KIAA1328: variants seen among roughly 807,000 people sequenced by gnomAD.
KIAA1328 encodes KIAA1328.
Under a neutral mutation model 68.1 loss-of-function variants are expected in KIAA1328, and 52 were observed. The ratio of observed to expected loss-of-function variants is 0.76; its 90% CI spans 0.61 to 0.96. KIAA1328 has a LOEUF of 0.96. Ranked by LOEUF, KIAA1328 falls within the 40% of genes least tolerant of loss-of-function variation. KIAA1328 has a pLI of 0.00. For synonymous variants in KIAA1328, 232 were observed against 239.4 expected (o/e 0.97, Z 0.28); for missense variants, 641 against 677.6 (o/e 0.95, Z 0.60).
rs553192905 is a variant in KIAA1328 at position 36,888,032 on chromosome 18, G to A, written c.448+2360G>A. 4.7e-4 allele frequency among the ~76,000 whole-genome samples: 72 copies of A among 152,312 alleles called. 1 individual carries two copies. Among genetic ancestry groups the A allele is most frequent in the South Asian group, 1.4e-3 (7 of 4,830 alleles). On this transcript the variant is annotated intron_variant, in intron 5 of 9. Transcript: ENST00000280020. ...GACTGTTATATTTAGCACTCTCTGG[G>A]TCAAGATTAATTCTATTCAGTGCTA...
intron 9 of KIAA1328, among the ~76,000 whole-genome samples, chr18:37,173,317 C>CTTT (rs1324906418): frequency 6.6e-6 from 1 of 152,156 alleles, no homozygotes; most frequent in African/African-American, 2.4e-5. Flanking sequence ...AAACCTAAAG[C>CTTT]TAAACCTATC....
chr18:36,940,567 TTTATC>T (rs1294638270), intron 5 of KIAA1328, among the ~76,000 whole-genome samples: 2 of 152,198 alleles, frequency 1.3e-5, no homozygotes, highest in South Asian at 4.1e-4. Context: ...TTCTTGAAGT[TTTATC>T]CTGACTTCCC....
intron 1 of KIAA1328, among the ~76,000 whole-genome samples, chr18:36,830,582 G>T (rs190825180): frequency 2.0e-5 from 3 of 151,042 alleles, no homozygotes; most frequent in South Asian, 2.1e-4. Context: ...CAATGGTTTG[G>T]GGGGGGGACA....
intron 6 of KIAA1328, among the ~76,000 whole-genome samples, chr18:36,983,126 C>T (rs971976765): frequency 7.9e-5 from 12 of 151,844 alleles, no homozygotes; most frequent in African/African-American, 2.7e-4. Context: ...TATAAATAAT[C>T]ACATTATTTT....
At chr18:37,048,668 A>T (rs2055572275) in intron 6 of KIAA1328, among the ~76,000 whole-genome samples, 1 of 152,160 alleles carries the variant, frequency 6.6e-6, no homozygotes, top group Non-Finnish European at 1.5e-5. Flanking sequence ...ACTGATCTAA[A>T]CTAAAAAGCC....
chr18:37,124,504 A>G (rs2058346173), intron 7 of KIAA1328, among the ~76,000 whole-genome samples: 1 of 152,056 alleles, frequency 6.6e-6, no homozygotes, highest in African/African-American at 2.4e-5. Context: ...TGTAACTCCT[A>G]CAATCCATCC....
chr18:36,996,020 T>C (rs2053377699), intron 6 of KIAA1328, among the ~76,000 whole-genome samples: 1 of 152,178 alleles, frequency 6.6e-6, no homozygotes, highest in African/African-American at 2.4e-5. Flanking sequence ...TATCTTTTAT[T>C]AGTCCTCAAA....
intron 6 of KIAA1328, among the ~76,000 whole-genome samples, chr18:36,967,983 G>T (rs1408546148): frequency 6.6e-6 from 1 of 152,136 alleles, no homozygotes; most frequent in Non-Finnish European, 1.5e-5. Context: ...AATAGATGGG[G>T]AGAAACAACT....
At chr18:37,047,525 A>G (rs550693481) in intron 6 of KIAA1328, among the ~76,000 whole-genome samples, 1 of 152,246 alleles carries the variant, frequency 6.6e-6, no homozygotes, top group Admixed American at 6.5e-5. Flanking sequence ...TTCACCCTAC[A>G]TATTTATTTT....
rs890849601 is a variant in KIAA1328 at position 36,963,385 on chromosome 18, G to C, written c.576+3950G>C. 7.2e-5 allele frequency among the ~76,000 whole-genome samples: 11 copies of C among 152,314 alleles called. No homozygotes were observed. The East Asian group carries it at 2.1e-3, about 29-fold the overall frequency. Reference sequence around the variant, plus strand: ...ACGGAAGGCCAATCCATTTGGCAAGGATGTGGGAAGGGAGATGGAGCAATC... The same window carrying C: ...ACGGAAGGCCAATCCATTTGGCAAGCATGTGGGAAGGGAGATGGAGCAATC... On this transcript the variant is annotated intron_variant, in intron 6 of 9. Coordinates refer to ENST00000280020, the MANE Select transcript of KIAA1328 (RefSeq NM_020776.3).
chr18:36,877,123 T>C (rs1201077421), intron 4 of KIAA1328, among the ~76,000 whole-genome samples: 1 of 152,106 alleles, frequency 6.6e-6, no homozygotes. Flanking sequence ...GAATAAATGC[T>C]ATGTGGTGCT....
intron 7 of KIAA1328, among the ~76,000 whole-genome samples, chr18:37,087,800 G>A (rs989186046): frequency 1.3e-5 from 2 of 152,124 alleles, no homozygotes; most frequent in African/African-American, 4.8e-5. Context: ...AATGTGGGGA[G>A]CCAGGGGGAG....
intron 8 of KIAA1328, among the ~76,000 whole-genome samples, chr18:37,165,522 C>T (rs2059370383): frequency 6.6e-6 from 1 of 151,350 alleles, no homozygotes; most frequent in South Asian, 2.1e-4. Context: ...TAGGTTCAAG[C>T]AGTTCTCCCG....
intron 8 of KIAA1328, among the ~76,000 whole-genome samples, chr18:37,169,237 C>T (rs2059451148): frequency 1.3e-5 from 2 of 151,428 alleles, no homozygotes; most frequent in African/African-American, 4.9e-5. Context: ...ACGATCTCGG[C>T]TCACTGCAAC....
intron 4 of KIAA1328, among the ~76,000 whole-genome samples, chr18:36,846,585 TC>T (rs1393531187): frequency 6.6e-6 from 1 of 151,548 alleles, no homozygotes; most frequent in Non-Finnish European, 1.5e-5. Context: ...TTTATGTTAC[TC>T]CAAATAGTTT....
intron 6 of KIAA1328, among the ~76,000 whole-genome samples, chr18:36,994,911 G>A (rs971356532): frequency 6.6e-6 from 1 of 150,682 alleles, no homozygotes; most frequent in Non-Finnish European, 1.5e-5. Context: ...ATTTGTTCAT[G>A]CTAAATCAGT....
rs775444735 is a variant in KIAA1328 at position 37,222,091 on chromosome 18, C to T, written c.1598C>T (p.Ser533Phe). ...NSAPKPQRYPSREAGAWNHGT... is the reference protein window; with the variant it reads ...NSAPKPQRYPFREAGAWNHGT... ...GCGCCCAAACCTCAGCGCTATCCCTCCAGAGAAGCTGGGGCCTGGAATCAT... is the reference window on the plus strand; with the variant it reads ...GCGCCCAAACCTCAGCGCTATCCCTTCAGAGAAGCTGGGGCCTGGAATCAT... The change falls in exon 10 of 10, where the codon TCC becomes TTC. Residue 533 changes from serine to phenylalanine, a missense_variant. Coordinates refer to ENST00000280020, the MANE Select transcript of KIAA1328 (RefSeq NM_020776.3). 98 of 1,613,696 alleles carry T rather than the reference C, an allele frequency of 6.1e-5. 1 individual carries two copies. Among genetic ancestry groups the T allele is most frequent in the South Asian group, 5.3e-4 (48 of 90,956 alleles).
chr18:36,890,238 TTA>T (rs892898949), intron 5 of KIAA1328, among the ~76,000 whole-genome samples: 4 of 150,796 alleles, frequency 2.7e-5, no homozygotes, highest in East Asian at 1.9e-4. Context: ...TTTTTTTTTT[TTA>T]AAAAAAAAGC....
intron 3 of KIAA1328, among the ~76,000 whole-genome samples, chr18:36,838,359 A>G (rs770540043): frequency 5.9e-5 from 9 of 152,212 alleles, no homozygotes; most frequent in Non-Finnish European, 1.3e-4. Context: ...GAAGTCTTTT[A>G]AATCTACTCA....
Sources: gnomAD v4.1 joint callset for allele counts (sites outside exome capture counted in the v4.1 genomes callset) on GRCh38, gnomAD v4.1.1 for gene constraint, MANE v1.5 for transcripts, NCBI Gene and HGNC (gene_info 2026-07-23, HGNC 2026-07-21) for gene names.